Variants in RNASEH2A observed in about 807,000 individuals in gnomAD.
RNASEH2A encodes the protein ribonuclease H2 subunit A.
A neutral mutation model predicts 32.7 loss-of-function variants in RNASEH2A; 30 were observed. The ratio of observed to expected loss-of-function variants is 0.92; its 90% CI spans 0.69 to 1.25. The LOEUF is 1.25. Among genes scored for constraint, RNASEH2A ranks in the 50% most tolerant of loss-of-function variants. RNASEH2A has a pLI of 0.00. For synonymous variants in RNASEH2A, 147 were observed against 165.4 expected (o/e 0.89, Z 0.86); for missense variants, 409 against 398.1 (o/e 1.03, Z -0.23).
intron 4 of RNASEH2A, among the ~76,000 whole-genome samples, chr19:12,809,632 A>G (rs1969044501): frequency 6.6e-6 from 1 of 152,036 alleles, no homozygotes. Flanking sequence ...GTGCTAACGC[A>G]CTCTACCAAT....
In RNASEH2A at chr19:12,807,282, G is replaced by A; in HGVS notation, c.276G>A (p.Ala92=). The A allele has an allele frequency of 6.2e-7, 1 of 1,614,194 alleles. No individual in the cohort carries two copies. Among genetic ancestry groups the A allele is most frequent in the Non-Finnish European group, 8.5e-7 (1 of 1,180,036 alleles). Residue 92 remains alanine, a synonymous_variant, in exon 3 of 8, where the codon GCG becomes GCA. Transcript: ENST00000221486. ...AGGACACGGACTTTGTCGGCTGGGC[G>A]CTGGATGTGCTGTCTCCAAACCTCA... ...KMEDTDFVGW[A]LDVLSPNLIS...
rs1459366188 is a variant in RNASEH2A, at chr19:12,807,502, C to G, written c.407C>G (p.Thr136Ser). ...GCATTGGACCAGGGCGTGAACGTCACCCAGGTGAGTTAACTGTAAGTTGTC... is the reference window on the plus strand; with the variant it reads ...GCATTGGACCAGGGCGTGAACGTCAGCCAGGTGAGTTAACTGTAAGTTGTC... ...QYALDQGVNV[T>S]QVFVDTVGMP... Residue 136 changes from threonine to serine, a missense_variant, in exon 4 of 8, where the codon ACC (threonine) becomes AGC (serine). Coordinates refer to ENST00000221486, the MANE Select transcript of RNASEH2A (RefSeq NM_006397.3). The G allele has an allele frequency of 3.7e-6, 6 of 1,613,392 alleles. No individual in the cohort carries two copies. Among genetic ancestry groups the G allele is most frequent in the Non-Finnish European group, 5.1e-6 (6 of 1,179,472 alleles).
Position 12,813,191 on chromosome 19 carries a change from C to T in RNASEH2A, c.746C>T (p.Ala249Val), listed in dbSNP as rs758719669. The change falls in exon 7 of 8, where the codon GCG becomes GTG. Residue 249 changes from alanine (A) to valine (V), a missense_variant. Transcript: ENST00000221486. ...GCCCAGACCATCCTGGAGAAAGAGG[C>T]GGAAGATGTTATATGGTGGGTGTCA... is the stretch of plus-strand genomic sequence containing the variant. ...RTAQTILEKE[A>V]EDVIWEDSAS... 88 of 1,613,790 alleles carry T rather than the reference C, an allele frequency of 5.5e-5. No individual in the cohort carries two copies. Among genetic ancestry groups the T allele is most frequent in the Admixed American group, 4.3e-4 (26 of 59,932 alleles).
Position 12,806,745 on chromosome 19 carries a change from C to T in RNASEH2A, c.72C>T (p.Cys24=). The part of the protein sequence containing the change: ...CRLSSPVPAV[C]RKEPCVLGVD... ...TGAGTTCGCCTGTGCCCGCGGTGTG[C>T]CGCAAGGAGCCTTGCGTCCTGGGCG... Residue 24 remains cysteine, a synonymous_variant, in exon 1 of 8, where the codon TGC becomes TGT. Transcript: ENST00000221486. 1.3e-6 allele frequency: 2 copies of T among 1,571,564 alleles called. No individual in the cohort carries two copies. The highest frequency in any genetic ancestry group is 1.7e-6 in the Non-Finnish European group (2 of 1,158,272).
chr19:12,807,123 T>G, intron 2 of RNASEH2A, 44 bp downstream of exon 2: 2 of 1,614,088 alleles, frequency 1.2e-6, no homozygotes, highest in Non-Finnish European at 1.7e-6. Context: ...CCTGGGTATG[T>G]GCAGGGGCAG....
Position 12,807,516 on chromosome 19 carries a change from C to T in RNASEH2A, c.411+10C>T, listed in dbSNP as rs1484321891. On this transcript the variant is annotated intron_variant, in intron 4 of 7. Coordinates refer to ENST00000221486, the MANE Select transcript of RNASEH2A (RefSeq NM_006397.3). ...CGTGAACGTCACCCAGGTGAGTTAA[C>T]TGTAAGTTGTCCCCATTTGGTCATC... 1.9e-6 allele frequency: 3 copies of T among 1,609,720 alleles called. No homozygotes were observed. The highest frequency in any genetic ancestry group is 2.6e-6 in the Non-Finnish European group (3 of 1,176,100).
At chr19:12,806,850 G>A (rs373511098) in intron 1 of RNASEH2A, 50 bp downstream of exon 1, 9 of 1,594,554 alleles carry the variant, frequency 5.6e-6, no homozygotes, top group Middle Eastern at 2.2e-4. Flanking sequence ...GAGGATGCGG[G>A]AAACGGGAGT....
chr19:12,807,381 C>T (rs1969010130), intron 3 of RNASEH2A, 38 bp from the exon 4 acceptor site: 1 of 1,614,108 alleles, frequency 6.2e-7, no homozygotes, highest in Non-Finnish European at 8.5e-7. Context: ...AGCTTTGTTC[C>T]TAGAATGAGA....
intron 6 of RNASEH2A, among the ~76,000 whole-genome samples, chr19:12,812,476 G>A (rs111254643): frequency 0.017 from 2,555 of 152,218 alleles, 75 homozygotes; most frequent in African/African-American, 0.059. Context: ...AGGTTGCAGT[G>A]AGCCGAGATC....
At chr19:12,806,919 A>C in intron 1 of RNASEH2A, 89 bp from the exon 2 acceptor site, 1 of 1,601,794 alleles carries the variant, frequency 6.2e-7, no homozygotes, top group Non-Finnish European at 8.5e-7. Flanking sequence ...CTAAAGAAGC[A>C]GTGATGATAG....
Position 12,811,539 on chromosome 19 carries a change from G to A in RNASEH2A, c.637+1135G>A, listed in dbSNP as rs145807239. 8.2e-4 allele frequency among the ~76,000 whole-genome samples: 124 copies of A among 152,024 alleles called. 1 individual carries two copies. Among genetic ancestry groups the A allele is most frequent in the African/African-American group, 2.9e-3 (120 of 41,458 alleles). The stretch of plus-strand genomic sequence containing the variant: ...AGGCTAAGGTGGGTGGGTTGCTTGA[G>A]CCCAGGAGTTGGAGGCTGCAGTGAG... On this transcript the variant is annotated intron_variant, in intron 6 of 7. Transcript: ENST00000221486.
intron 4 of RNASEH2A, chr19:12,808,061 G>A (rs1042706101): frequency 5.8e-6 from 1 of 173,120 alleles, no homozygotes; most frequent in Non-Finnish European, 1.3e-5. Flanking sequence ...GACCATCCTG[G>A]CCAACATGGT....
chr19:12,809,284 A>G (rs1443259833), intron 4 of RNASEH2A, among the ~76,000 whole-genome samples: 1 of 152,230 alleles, frequency 6.6e-6, no homozygotes, highest in Non-Finnish European at 1.5e-5. Flanking sequence ...TGTTTCTGAA[A>G]ACAGTAGTGC....
intron 6 of RNASEH2A, among the ~76,000 whole-genome samples, chr19:12,810,697 A>C (rs1481368897): frequency 6.6e-6 from 1 of 151,788 alleles, no homozygotes; most frequent in African/African-American, 2.4e-5. Context: ...CACCCAGCTA[A>C]TTTTGTGTTT....
At chr19:12,810,034 T>A in intron 4 of RNASEH2A, 37 bp from the exon 5 acceptor site, 1 of 1,613,888 alleles carries the variant, frequency 6.2e-7, no homozygotes, top group Non-Finnish European at 8.5e-7. Context: ...TTGGTACAGT[T>A]GTTTGTTCAA....
rs1969102679 is a variant in RNASEH2A at position 12,813,376 on chromosome 19, C to T, written c.810C>T (p.Ser270=). The T allele has an allele frequency of 7.4e-6, 12 of 1,614,156 alleles. No homozygotes were observed. The highest frequency in any genetic ancestry group is 1.6e-4 in the Middle Eastern group (1 of 6,062). The part of the protein sequence containing the change: ...ENQEGLRKIT[S]YFLNEGSQAR... ...AGGAGGGACTCAGGAAGATCACATCCTACTTCCTCAATGAAGGGTCCCAAG... is the reference window on the plus strand; with the variant it reads ...AGGAGGGACTCAGGAAGATCACATCTTACTTCCTCAATGAAGGGTCCCAAG... Residue 270 remains serine, a synonymous_variant, in exon 8 of 8, where the codon TCC becomes TCT. Transcript: ENST00000221486.
chr19:12,808,239 G>A (rs1210642449), intron 4 of RNASEH2A, among the ~76,000 whole-genome samples: 1 of 151,924 alleles, frequency 6.6e-6, no homozygotes, highest in Non-Finnish European at 1.5e-5. Flanking sequence ...GGGACAGAGC[G>A]AAAAATAAAA....
intron 6 of RNASEH2A, 43 bp downstream of exon 6, chr19:12,810,447 G>A (rs1478542952): frequency 6.7e-7 from 1 of 1,483,728 alleles, no homozygotes; most frequent in South Asian, 1.1e-5. Flanking sequence ...GAAATGGCCA[G>A]GGCTGAGCAC....
At chr19:12,809,300 A>G (rs1969039501) in intron 4 of RNASEH2A, among the ~76,000 whole-genome samples, 1 of 152,232 alleles carries the variant, frequency 6.6e-6, no homozygotes, top group Non-Finnish European at 1.5e-5. Flanking sequence ...AGTGCTGTGG[A>G]GATACCACTT....
Sources: allele counts gnomAD v4.1 joint callset (sites outside exome capture counted in the v4.1 genomes callset), GRCh38; gene constraint gnomAD v4.1.1; transcripts MANE v1.5; gene names NCBI Gene and HGNC (gene_info 2026-07-23, HGNC 2026-07-21).